Variants in ZNF362 observed in about 807,000 individuals in gnomAD.
ZNF362 encodes the protein rotund homolog.
In ZNF362, 11 loss-of-function variants were observed where a neutral mutation model predicts 42.9. That is an observed-to-expected ratio of 0.26 (90% CI 0.16 to 0.42). The LOEUF (loss-of-function observed/expected upper bound fraction) is 0.42. Among genes scored for constraint, ZNF362 ranks in the 20% least tolerant of loss-of-function variants. ZNF362 has a pLI of 1.00. For synonymous variants in ZNF362, 255 were observed against 257.3 expected (o/e 0.99, Z 0.09); for missense variants, 362 against 576.2 (o/e 0.63, Z 3.81).
chr1:33,277,525 G>A (rs937477491), intron 4 of ZNF362, among the ~76,000 whole-genome samples: 1 of 152,226 alleles, frequency 6.6e-6, no homozygotes, highest in Non-Finnish European at 1.5e-5. Flanking sequence ...GATACGGGTT[G>A]AGAAAACCGA....
the ZNF362 span, among the ~76,000 whole-genome samples, chr1:33,197,312 G>T: frequency 3.1e-3 from 473 of 152,262 alleles, 4 homozygotes; most frequent in African/African-American, 0.011. Context: ...GTGGGACTTT[G>T]CCTTGTAATC....
the ZNF362 span, among the ~76,000 whole-genome samples, chr1:33,197,400 C>A: frequency 6.6e-6 from 1 of 152,076 alleles, no homozygotes; most frequent in African/African-American, 2.4e-5. Context: ...TCTGGAGAAC[C>A]CTGACTAATA....
chr1:33,185,373 C>T, the ZNF362 span, among the ~76,000 whole-genome samples: 1 of 152,096 alleles, frequency 6.6e-6, no homozygotes, highest in Admixed American at 6.5e-5. Flanking sequence ...AGGTGCCCGC[C>T]ACCACGCCAA....
chr1:33,271,792 G>A (rs1041852210), intron 2 of ZNF362, among the ~76,000 whole-genome samples: 1 of 151,064 alleles, frequency 6.6e-6, no homozygotes, highest in African/African-American at 2.5e-5. Flanking sequence ...CAGATGTGCG[G>A]TAGATCACTG....
the ZNF362 span, among the ~76,000 whole-genome samples, chr1:33,141,306 C>T: frequency 4.6e-4 from 70 of 152,260 alleles, 1 homozygote; most frequent in South Asian, 0.014. Context: ...CCAGCCTGGC[C>T]TGTGTTCCTT....
chr1:33,154,493 T>C, the ZNF362 span, among the ~76,000 whole-genome samples: 2 of 151,806 alleles, frequency 1.3e-5, no homozygotes, highest in South Asian at 4.2e-4. Flanking sequence ...CTTTTTTTTT[T>C]CTTAATTAAA....
chr1:33,173,610 AT>A, the ZNF362 span, among the ~76,000 whole-genome samples: 1 of 151,694 alleles, frequency 6.6e-6, no homozygotes, highest in East Asian at 1.9e-4. Context: ...TCACACTCAG[AT>A]AACCTGAGTT....
chr1:33,202,696 T>C, the ZNF362 span, among the ~76,000 whole-genome samples: 10 of 151,894 alleles, frequency 6.6e-5, no homozygotes, highest in Non-Finnish European at 2.9e-5. Flanking sequence ...TAATTTATCA[T>C]GTTGACAGGC....
the ZNF362 span, among the ~76,000 whole-genome samples, chr1:33,244,067 C>T: frequency 3.6e-4 from 55 of 152,098 alleles, no homozygotes; most frequent in Admixed American, 3.6e-3. The surrounding 1 kb of genome is among the most constrained non-coding windows in gnomAD (Gnocchi z 4.0). Context: ...GATTGAGGTT[C>T]CCCTGTGTAA....
intron 1 of ZNF362, among the ~76,000 whole-genome samples, chr1:33,257,539 C>T (rs1645802227): frequency 6.6e-6 from 1 of 151,588 alleles, no homozygotes; most frequent in African/African-American, 2.4e-5. Context: ...TGCCGGTTTC[C>T]TCAGAGCTGC....
At chr1:33,234,380 G>A in the ZNF362 span, among the ~76,000 whole-genome samples, 1 of 151,982 alleles carries the variant, frequency 6.6e-6, no homozygotes, top group Non-Finnish European at 1.5e-5. Flanking sequence ...CCCCACCCAC[G>A]CCGTGTCATC....
chr1:33,282,448 C>T (rs1646002582), intron 6 of ZNF362, among the ~76,000 whole-genome samples: 1 of 152,184 alleles, frequency 6.6e-6, no homozygotes, highest in Non-Finnish European at 1.5e-5. Context: ...AGGAAGAAAA[C>T]AGACGAAAAT....
rs114622598 is a variant in ZNF362, at chr1:33,278,802, C to A, written c.350-1322C>A. 7.6e-4 allele frequency among the ~76,000 whole-genome samples: 115 copies of A among 152,290 alleles called. 1 individual carries two copies. The East Asian group carries it at 0.019, about 25-fold the overall frequency. ...TTCTCTCTGTGTCACTGTATCACAT[C>A]GATCTTGTTTTAGTGGCTGTGCAGT... is the stretch of plus-strand genomic sequence containing the variant. On this transcript the variant is annotated intron_variant, in intron 4 of 8. Coordinates refer to ENST00000539719, the MANE Select transcript of ZNF362 (RefSeq NM_152493.3).
the ZNF362 span, chr1:33,158,426 A>G: frequency 8.8e-6 from 13 of 1,485,552 alleles, no homozygotes; most frequent in Non-Finnish European, 1.2e-5. Flanking sequence ...CCCCAATGCC[A>G]GGGGCCCCGC....
the ZNF362 span, among the ~76,000 whole-genome samples, chr1:33,155,960 T>G: frequency 6.6e-6 from 1 of 152,218 alleles, no homozygotes; most frequent in Non-Finnish European, 1.5e-5. Flanking sequence ...TGCTTCCTGC[T>G]TTACTGAGAA....
intron 2 of ZNF362, 73 bp from the exon 3 acceptor site, chr1:33,276,027 C>A (rs779926144): frequency 2.6e-6 from 4 of 1,554,550 alleles, no homozygotes; most frequent in South Asian, 1.1e-5. Flanking sequence ...CTTGAGTGGG[C>A]GCAGCTGAGG....
the ZNF362 span, among the ~76,000 whole-genome samples, chr1:33,250,324 A>G: frequency 1.3e-5 from 2 of 152,200 alleles, no homozygotes; most frequent in Non-Finnish European, 2.9e-5. Context: ...TAGCAAAGAC[A>G]TGGAATCAAC....
At chr1:33,237,349 C>A in the ZNF362 span, among the ~76,000 whole-genome samples, 1 of 152,138 alleles carries the variant, frequency 6.6e-6, no homozygotes, top group African/African-American at 2.4e-5. Context: ...ACCAAGGCTG[C>A]AGAAGGACAG....
At chr1:33,200,770 G>A in the ZNF362 span, among the ~76,000 whole-genome samples, 2 of 152,122 alleles carry the variant, frequency 1.3e-5, no homozygotes, top group East Asian at 3.9e-4. Context: ...CATTGTTATG[G>A]GCTAAATTGT....
Sources: allele counts gnomAD v4.1 joint callset (sites outside exome capture counted in the v4.1 genomes callset), GRCh38; gene constraint gnomAD v4.1.1; non-coding constraint Gnocchi (gnomAD v3.1); transcripts MANE v1.5; gene names NCBI Gene and HGNC (gene_info 2026-07-23, HGNC 2026-07-21).